The following MAPK10 variants were observed in gnomAD, a reference collection of about 807,000 sequenced individuals.
The protein encoded by MAPK10 is mitogen-activated protein kinase 10.
MAPK10 carries 25 observed loss-of-function variants against 59.3 expected under a neutral mutation model. The ratio of observed to expected loss-of-function variants is 0.42; its 90% confidence interval spans 0.31 to 0.59. MAPK10 has a LOEUF of 0.59. MAPK10 is among the 20% of genes least tolerant of loss of function. The pLI is 0.15. For synonymous variants in MAPK10, 190 were observed against 200.5 expected, an observed-to-expected ratio of 0.95 and a Z score of 0.44; for missense variants, 351 against 568.9, an observed-to-expected ratio of 0.62 and a Z score of 3.90.
At chr4:86,422,674 G>A (rs1564840388) in intron 1 of MAPK10, among the ~76,000 whole-genome samples, 1 of 152,134 alleles carries the variant, frequency 6.6e-6, no homozygotes. Flanking sequence ...CTAGAAGGTA[G>A]GATATTTAAC....
At chr4:86,345,877 C>T (rs754561039) in intron 2 of MAPK10, among the ~76,000 whole-genome samples, 7 of 152,182 alleles carry the variant, frequency 4.6e-5, no homozygotes, top group Non-Finnish European at 1.0e-4. Context: ...AAATCCATTA[C>T]GACCAATTCA....
intron 1 of MAPK10, among the ~76,000 whole-genome samples, chr4:86,479,865 A>G (rs952888053): frequency 6.6e-6 from 1 of 151,896 alleles, no homozygotes; most frequent in Non-Finnish European, 1.5e-5. Flanking sequence ...ACAACCCCAC[A>G]ATATCCCCCC....
intron 11 of MAPK10, among the ~76,000 whole-genome samples, chr4:86,035,649 A>G (rs1309403374): frequency 6.6e-6 from 1 of 152,150 alleles, no homozygotes; most frequent in African/African-American, 2.4e-5. Flanking sequence ...TAAACTTGGT[A>G]GAAGTTGGTT....
rs1741483969 is a variant in MAPK10 at position 86,011,955 on chromosome 4, A to G, written c.*5273T>C. ...CAGCCACAAAATCATATATATTTTT[A>G]ATTCTCCAAGGAGTTTGAGATAGTA... On this transcript the variant is annotated 3_prime_UTR_variant, in exon 14 of 14. Transcript: ENST00000641462. 1.3e-5 allele frequency: 2 copies of G among 152,220 alleles called. No individual in the cohort carries two copies. The highest frequency in any genetic ancestry group is 6.5e-5 in the Admixed American group (1 of 15,274). 9.4% of individuals were successfully genotyped at this position (152,220 alleles called of 1,614,324 possible). A position where few individuals can be genotyped will look rare whatever the true frequency, so the allele number is the denominator to read the frequency against.
chr4:86,139,361 C>T (rs2063060133), intron 4 of MAPK10, among the ~76,000 whole-genome samples: 1 of 150,872 alleles, frequency 6.6e-6, no homozygotes, highest in Admixed American at 6.6e-5. Context: ...CAGAACAGAG[C>T]CCTCAGAAAT....
intron 2 of MAPK10, among the ~76,000 whole-genome samples, chr4:86,263,791 T>G (rs896371923): frequency 2.6e-5 from 4 of 152,202 alleles, no homozygotes; most frequent in African/African-American, 9.6e-5. Context: ...TGATAGACAC[T>G]GAAAATATGC....
intron 1 of MAPK10, among the ~76,000 whole-genome samples, chr4:86,416,060 G>C (rs1745825979): frequency 6.6e-6 from 1 of 152,186 alleles, no homozygotes; most frequent in Non-Finnish European, 1.5e-5. Context: ...ATACGTTGAA[G>C]CCCTAAAGTC....
At chr4:86,251,194 C>T (rs2093401133) in intron 2 of MAPK10, among the ~76,000 whole-genome samples, 1 of 151,356 alleles carries the variant, frequency 6.6e-6, no homozygotes, top group East Asian at 1.9e-4. Context: ...TTTAATTATA[C>T]TTTAAATTTT....
At chr4:86,501,278 C>A (rs779671003) in intron 1 of MAPK10, among the ~76,000 whole-genome samples, 1 of 151,852 alleles carries the variant, frequency 6.6e-6, no homozygotes, top group Non-Finnish European at 1.5e-5. Context: ...TGTTCAGGTG[C>A]AGGCTATTTT....
chr4:86,425,589 T>C (rs1171386259), intron 1 of MAPK10, among the ~76,000 whole-genome samples: 1 of 152,218 alleles, frequency 6.6e-6, no homozygotes, highest in Admixed American at 6.5e-5. Flanking sequence ...GATTCTCTTC[T>C]CCATTTGAAC....
chr4:86,207,530 G>A (rs1473807729), intron 2 of MAPK10, among the ~76,000 whole-genome samples: 1 of 152,084 alleles, frequency 6.6e-6, no homozygotes, highest in African/African-American at 2.4e-5. Flanking sequence ...GGCGATACGG[G>A]CTCTTTTTTG....
intron 1 of MAPK10, among the ~76,000 whole-genome samples, chr4:86,537,145 A>T (rs552001560): frequency 6.6e-6 from 1 of 152,328 alleles, no homozygotes; most frequent in East Asian, 1.9e-4. Context: ...TTGGAGCCCA[A>T]GTGATATAAA....
At chr4:86,580,131 C>A in intron 1 of MAPK10, among the ~76,000 whole-genome samples, 1 of 151,962 alleles carries the variant, frequency 6.6e-6, no homozygotes, top group Non-Finnish European at 1.5e-5. Context: ...ACTAGTTAAG[C>A]CAACTTAAAG....
chr4:86,072,873 G>T (rs2048345177), intron 9 of MAPK10, among the ~76,000 whole-genome samples: 1 of 79,450 alleles, frequency 1.3e-5, no homozygotes, highest in South Asian at 3.4e-4. Context: ...TTGTGTCTCT[G>T]CCCGGCTTTG....
intron 11 of MAPK10, among the ~76,000 whole-genome samples, chr4:86,048,797 T>C (rs867460770): frequency 1.2e-4 from 18 of 152,210 alleles, no homozygotes; most frequent in Middle Eastern, 3.4e-3. Flanking sequence ...TAATATTATA[T>C]TTTAGGTTGA....
chr4:86,248,069 T>C (rs2093208898), intron 2 of MAPK10, among the ~76,000 whole-genome samples: 4 of 152,184 alleles, frequency 2.6e-5, no homozygotes, highest in Non-Finnish European at 5.9e-5. Context: ...TGTGTTTCTT[T>C]GGTTTTTGCA....
At chr4:86,044,400 C>G (rs991004773) in intron 11 of MAPK10, 7 of 204,554 alleles carry the variant, frequency 3.4e-5, no homozygotes, top group African/African-American at 1.4e-4. Context: ...TATTTTTAAA[C>G]TTCCCAAATG....
chr4:86,339,002 A>C (rs1723273808), intron 2 of MAPK10, among the ~76,000 whole-genome samples: 1 of 152,180 alleles, frequency 6.6e-6, no homozygotes, highest in Non-Finnish European at 1.5e-5. Flanking sequence ...AAAAATGCTA[A>C]CTAATTTGCC....
intron 3 of MAPK10, among the ~76,000 whole-genome samples, chr4:86,172,961 TAA>T (rs959771811): frequency 6.6e-6 from 1 of 151,520 alleles, no homozygotes; most frequent in Non-Finnish European, 1.5e-5. Context: ...TTCAAAGAAA[TAA>T]GAGACAACAC....
Sources: gnomAD v4.1 joint callset for allele counts (sites outside exome capture counted in the v4.1 genomes callset) on GRCh38, gnomAD v4.1.1 for gene constraint, MANE v1.5 for transcripts, NCBI Gene and HGNC (gene_info 2026-07-23, HGNC 2026-07-21) for gene names.